Variants in ATP8B4 observed in about 807,000 individuals in gnomAD.
The protein encoded by ATP8B4 is probable phospholipid-transporting ATPase IM.
ATP8B4 carries 133 observed loss-of-function variants against 145.6 expected under a neutral mutation model. The observed-to-expected ratio is 0.91, with a 90% CI of 0.79 to 1.05. The LOEUF (loss-of-function observed/expected upper bound fraction) is 1.05. ATP8B4 is among the 50% of genes least tolerant of loss of function. The probability of loss-of-function intolerance (pLI) is 0.00; values close to 1 mark genes in which losing one functional copy is unlikely to be tolerated. For missense variants in ATP8B4, 1,458 were observed against 1,425.2 expected, an observed-to-expected ratio of 1.02 and a Z score of -0.37; for synonymous variants, 507 against 492.9, an observed-to-expected ratio of 1.03 and a Z score of -0.38.
At chr15:50,094,479 T>C (rs1335765512) in intron 2 of ATP8B4, among the ~76,000 whole-genome samples, 1 of 151,524 alleles carries the variant, frequency 6.6e-6, no homozygotes, top group Non-Finnish European at 1.5e-5. Flanking sequence ...ATACATAATA[T>C]AAATGAATAT....
chr15:50,013,244 T>G (rs1009828089), intron 6 of ATP8B4, among the ~76,000 whole-genome samples: 2 of 152,146 alleles, frequency 1.3e-5, no homozygotes, highest in African/African-American at 4.8e-5. Context: ...AGACACTCCC[T>G]GGCTCTACAT....
intron 7 of ATP8B4, chr15:50,009,339 C>G (rs1567190925): frequency 1.3e-5 from 2 of 154,300 alleles, no homozygotes; most frequent in Non-Finnish European, 2.9e-5. Context: ...TACCAAATGC[C>G]CCTGTTGATG....
intron 20 of ATP8B4, among the ~76,000 whole-genome samples, chr15:49,907,502 T>C (rs910494327): frequency 6.6e-6 from 1 of 152,188 alleles, no homozygotes; most frequent in African/African-American, 2.4e-5. Flanking sequence ...AAAGTAGTCC[T>C]TGTTGGTGGA....
chr15:50,110,446 G>A (rs577422815), intron 1 of ATP8B4, among the ~76,000 whole-genome samples: 2 of 152,276 alleles, frequency 1.3e-5, no homozygotes, highest in South Asian at 4.1e-4. Flanking sequence ...ACCTCTAAAG[G>A]TTGTCAGAGT....
chr15:49,897,197 G>T, intron 23 of ATP8B4, 95 bp downstream of exon 23: 4 of 1,218,848 alleles, frequency 3.3e-6, no homozygotes, highest in Non-Finnish European at 4.6e-6. Flanking sequence ...AAAATGCTCT[G>T]AATTTATTAG....
At chr15:50,011,582 C>A (rs546700191) in intron 6 of ATP8B4, among the ~76,000 whole-genome samples, 3 of 152,252 alleles carry the variant, frequency 2.0e-5, no homozygotes, top group African/African-American at 7.2e-5. Flanking sequence ...AGCCCCAAGA[C>A]CACCCTCCAC....
rs76489848 is a variant in ATP8B4 at position 49,928,986 on chromosome 15, C to A, written c.1642+2133G>T. On this transcript the variant is annotated intron_variant, in intron 16 of 27. Transcript: ENST00000284509. ...CAGTGGCATCAGCATCACCCACAAG[C>A]TTGTTAGAAATGCAAATTGGTGGGC... Among the ~76,000 whole-genome samples, 1,508 of 152,198 alleles carry A rather than the reference C, an allele frequency of 9.9e-3. 32 individuals carry two copies. Among genetic ancestry groups the A allele is most frequent in the African/African-American group, 0.035 (1,467 of 41,528 alleles).
intron 6 of ATP8B4, among the ~76,000 whole-genome samples, chr15:50,035,755 A>C (rs1278371272): frequency 1.3e-5 from 2 of 152,228 alleles, no homozygotes; most frequent in East Asian, 3.8e-4. Flanking sequence ...ACAAGGACCC[A>C]GGTTTCCTGA....
At chr15:50,071,503 A>G (rs769457202) in intron 3 of ATP8B4, among the ~76,000 whole-genome samples, 3 of 152,254 alleles carry the variant, frequency 2.0e-5, no homozygotes, top group Non-Finnish European at 2.9e-5. Flanking sequence ...ACTTAAATGC[A>G]TAATTACCCC....
intron 6 of ATP8B4, among the ~76,000 whole-genome samples, chr15:50,031,464 T>G (rs1320598045): frequency 2.0e-5 from 3 of 152,102 alleles, no homozygotes; most frequent in African/African-American, 7.2e-5. Context: ...GGTACATCAA[T>G]TCTCCCATGT....
At chr15:50,111,126 C>G (rs1242938662) in intron 1 of ATP8B4, among the ~76,000 whole-genome samples, 1 of 152,190 alleles carries the variant, frequency 6.6e-6, no homozygotes, top group Non-Finnish European at 1.5e-5. Context: ...ACAAGGAAGT[C>G]TCTTCTTACA....
chr15:50,114,098 A>AC (rs763746406), intron 1 of ATP8B4, among the ~76,000 whole-genome samples: 58 of 28,812 alleles, frequency 2.0e-3, no homozygotes, highest in South Asian at 4.1e-3. Context: ...TTGGTCTCCT[A>AC]GTTTCTTTTT....
intron 4 of ATP8B4, among the ~76,000 whole-genome samples, chr15:50,045,197 T>C (rs559286564): frequency 1.1e-4 from 16 of 152,090 alleles, no homozygotes; most frequent in Non-Finnish European, 2.1e-4. Context: ...GTATTCCACA[T>C]AAATAGTACC....
intron 14 of ATP8B4, among the ~76,000 whole-genome samples, chr15:49,943,967 G>A (rs2042368932): frequency 6.6e-6 from 1 of 152,116 alleles, no homozygotes; most frequent in Admixed American, 6.6e-5. Flanking sequence ...TAAAAGTATA[G>A]CATTTTTGTA....
chr15:49,917,563 T>C (rs2039871202), intron 19 of ATP8B4, among the ~76,000 whole-genome samples: 2 of 152,168 alleles, frequency 1.3e-5, no homozygotes, highest in Admixed American at 1.3e-4. Flanking sequence ...CCATTAAATA[T>C]ATGGAAATTT....
intron 20 of ATP8B4, among the ~76,000 whole-genome samples, chr15:49,908,830 C>T (rs1394930012): frequency 1.3e-5 from 2 of 152,164 alleles, no homozygotes; most frequent in Admixed American, 6.5e-5. Context: ...ACTACCCTTC[C>T]AGCAACAGGA....
intron 8 of ATP8B4, among the ~76,000 whole-genome samples, chr15:49,998,152 A>C (rs899306587): frequency 6.6e-6 from 1 of 152,156 alleles, no homozygotes; most frequent in Non-Finnish European, 1.5e-5. Flanking sequence ...CCTCTCCACT[A>C]TCTCAGTTCT....
intron 14 of ATP8B4, among the ~76,000 whole-genome samples, chr15:49,935,993 AT>A (rs909467544): frequency 3.3e-5 from 5 of 150,860 alleles, no homozygotes; most frequent in South Asian, 2.1e-4. Flanking sequence ...CAACCTATTT[AT>A]TTTTTTTTCT....
chr15:50,157,538 T>C (rs1191836926), intron 1 of ATP8B4, among the ~76,000 whole-genome samples: 1 of 152,230 alleles, frequency 6.6e-6, no homozygotes. Context: ...ACTGAGATTT[T>C]AGTGCACCCA....
Sources: gnomAD v4.1 joint callset for allele counts (sites outside exome capture counted in the v4.1 genomes callset) on GRCh38, gnomAD v4.1.1 for gene constraint, MANE v1.5 for transcripts, NCBI Gene and HGNC (gene_info 2026-07-23, HGNC 2026-07-21) for gene names.